The following DNAJC6 variants were observed in gnomAD, a reference collection of about 807,000 sequenced individuals.
DNAJC6 encodes the protein DnaJ heat shock protein family (Hsp40) member C6.
In DNAJC6, 34 loss-of-function variants were observed where a neutral mutation model predicts 110.0. That is an observed-to-expected ratio of 0.31 (90% CI 0.24 to 0.41). DNAJC6 has a LOEUF of 0.41. Ranked by LOEUF, DNAJC6 falls within the 10% of genes least tolerant of loss-of-function variation. The pLI is 1.00. For missense variants in DNAJC6, 1,031 were observed against 1,207.8 expected, an observed-to-expected ratio of 0.85 and a Z score of 2.17; for synonymous variants, 406 against 437.2, an observed-to-expected ratio of 0.93 and a Z score of 0.89.
intron 1 of DNAJC6, among the ~76,000 whole-genome samples, chr1:65,357,669 G>C (rs1306714463): frequency 6.6e-6 from 1 of 152,154 alleles, no homozygotes; most frequent in Admixed American, 6.5e-5. Context: ...CAAGCCCCTA[G>C]CCTGCTTGGA....
intron 1 of DNAJC6, among the ~76,000 whole-genome samples, chr1:65,325,281 C>T (rs1179990956): frequency 6.6e-6 from 1 of 152,104 alleles, no homozygotes; most frequent in African/African-American, 2.4e-5. Flanking sequence ...TGTGCTGTGT[C>T]AGATAAAAAA....
At chr1:65,412,391 C>T (rs917078526) in intron 18 of DNAJC6, among the ~76,000 whole-genome samples, 3 of 152,168 alleles carry the variant, frequency 2.0e-5, no homozygotes, top group African/African-American at 7.2e-5. Context: ...CTTGGGAACA[C>T]AGGCTTGAAT....
At chr1:65,376,884 C>A (rs1186083842) in intron 4 of DNAJC6, among the ~76,000 whole-genome samples, 1 of 152,176 alleles carries the variant, frequency 6.6e-6, no homozygotes, top group Non-Finnish European at 1.5e-5. Context: ...ATTCTCCTGC[C>A]TCAGCCTCCT....
intron 4 of DNAJC6, among the ~76,000 whole-genome samples, chr1:65,368,672 T>TCCCTTC (rs1645673858): frequency 1.8e-5 from 2 of 114,106 alleles, no homozygotes; most frequent in South Asian, 3.2e-4. Context: ...TTCCTTCCTC[T>TCCCTTC]CTCCCTTCCT....
chr1:65,363,351 C>A (rs140931567), intron 1 of DNAJC6, among the ~76,000 whole-genome samples: 1 of 152,008 alleles, frequency 6.6e-6, no homozygotes, highest in Non-Finnish European at 1.5e-5. Flanking sequence ...AAGTCATGGA[C>A]AGAGCAGCCA....
At chr1:65,274,431 C>T (rs975089979) in intron 1 of DNAJC6, among the ~76,000 whole-genome samples, 3 of 152,144 alleles carry the variant, frequency 2.0e-5, no homozygotes, top group Admixed American at 6.5e-5. Context: ...ATTCTCCTGC[C>T]TCAGCCTCCC....
At chr1:65,313,116 G>A (rs1416025880) in intron 1 of DNAJC6, among the ~76,000 whole-genome samples, 1 of 152,016 alleles carries the variant, frequency 6.6e-6, no homozygotes, top group African/African-American at 2.4e-5. Context: ...GCAGTGGTGT[G>A]ATCATGGCTC....
chr1:65,327,590 G>A (rs1156508489), intron 1 of DNAJC6, among the ~76,000 whole-genome samples: 3 of 152,122 alleles, frequency 2.0e-5, no homozygotes, highest in Non-Finnish European at 4.4e-5. Context: ...ATGTGTGGGT[G>A]TATGTTTGTT....
chr1:65,317,433 A>G (rs1645158319), intron 1 of DNAJC6, among the ~76,000 whole-genome samples: 1 of 152,250 alleles, frequency 6.6e-6, no homozygotes, highest in African/African-American at 2.4e-5. Context: ...GCTTTATCCC[A>G]CATGTCACAG....
intron 1 of DNAJC6, among the ~76,000 whole-genome samples, chr1:65,286,269 T>C (rs1654017131): frequency 6.6e-6 from 1 of 151,748 alleles, no homozygotes; most frequent in Non-Finnish European, 1.5e-5. Flanking sequence ...CTTTTTGAGA[T>C]AGGGTTTTGC....
intron 1 of DNAJC6, among the ~76,000 whole-genome samples, chr1:65,274,419 C>T (rs556712436): frequency 1.3e-5 from 2 of 152,176 alleles, no homozygotes; most frequent in African/African-American, 2.4e-5. Flanking sequence ...TGGGTTCAAG[C>T]GATTCTCCTG....
chr1:65,384,393 C>T (rs776016181), intron 6 of DNAJC6, 67 bp downstream of exon 6: 23 of 1,320,820 alleles, frequency 1.7e-5, no homozygotes, highest in Non-Finnish European at 2.2e-5. Context: ...TGTTTTAAAT[C>T]TGCCTTACAA....
At chr1:65,315,793 T>A (rs11208627) in intron 1 of DNAJC6, among the ~76,000 whole-genome samples, 6,102 of 152,276 alleles carry the variant, frequency 0.04, 258 homozygotes, top group East Asian at 0.15. Context: ...CTACTTATTC[T>A]ATATTGAGTA....
intron 1 of DNAJC6, among the ~76,000 whole-genome samples, chr1:65,269,055 A>T (rs1301625380): frequency 6.6e-6 from 1 of 152,124 alleles, no homozygotes; most frequent in Non-Finnish European, 1.5e-5. Context: ...AGTTACACAT[A>T]ACATTTTAAT....
chr1:65,327,052 A>G lies in DNAJC6; in HGVS notation c.193+17114A>G, dbSNP rs566768546. On this transcript the variant is annotated intron_variant, in intron 1 of 18. Coordinates refer to ENST00000371069, the MANE Select transcript of DNAJC6 (RefSeq NM_001256864.2). ...AGGGTCTATATAACTATAACAAAGT[A>G]TGAGATAGACAGTACAGGTAAAAAG... is the stretch of plus-strand genomic sequence containing the variant. Among the ~76,000 whole-genome samples the G allele has an allele frequency of 3.9e-5, 6 of 152,330 alleles. No individual in the cohort carries two copies. In the East Asian group the frequency reaches 1.2e-3, roughly 29 times the overall value.
intron 1 of DNAJC6, among the ~76,000 whole-genome samples, chr1:65,341,056 C>T (rs1463824010): frequency 6.6e-6 from 1 of 152,154 alleles, no homozygotes; most frequent in East Asian, 1.9e-4. Flanking sequence ...CCTCTCTGAG[C>T]CTCATTTCTG....
At chr1:65,323,893 C>T (rs1252116358) in intron 1 of DNAJC6, among the ~76,000 whole-genome samples, 1 of 152,028 alleles carries the variant, frequency 6.6e-6, no homozygotes, top group Non-Finnish European at 1.5e-5. Context: ...GCACAGTGAG[C>T]CACCATGCCC....
At chr1:65,315,051 A>G (rs1246359108) in intron 1 of DNAJC6, among the ~76,000 whole-genome samples, 1 of 152,212 alleles carries the variant, frequency 6.6e-6, no homozygotes, top group Non-Finnish European at 1.5e-5. Flanking sequence ...TGTTCTCATC[A>G]GTGCAGAGTT....
intron 5 of DNAJC6, among the ~76,000 whole-genome samples, chr1:65,382,301 G>A (rs1570354285): frequency 6.6e-6 from 1 of 152,120 alleles, no homozygotes; most frequent in Non-Finnish European, 1.5e-5. Flanking sequence ...TGAGAAATTT[G>A]GCTAGGTTGT....
Sources: allele counts gnomAD v4.1 joint callset (sites outside exome capture counted in the v4.1 genomes callset), GRCh38; gene constraint gnomAD v4.1.1; transcripts MANE v1.5; gene names NCBI Gene and HGNC (gene_info 2026-07-23, HGNC 2026-07-21).